DOCK8: variants seen among roughly 807,000 people sequenced by gnomAD.
The protein encoded by DOCK8 is dedicator of cytokinesis protein 8.
Under a neutral mutation model 245.6 loss-of-function variants are expected in DOCK8, and 141 were observed. That is an observed-to-expected ratio of 0.57 (90% CI 0.50 to 0.66). DOCK8 has a LOEUF of 0.66. DOCK8 is among the 30% of genes least tolerant of loss of function. The probability of loss-of-function intolerance (pLI) is 0.00; values close to 1 mark genes in which losing one functional copy is unlikely to be tolerated. For synonymous variants in DOCK8, 1,168 were observed against 970.2 expected (o/e 1.20, Z -3.79); for missense variants, 2,965 against 2,603.4 (o/e 1.14, Z -3.02).
chr9:345,823 T>G (rs745942996), intron 14 of DOCK8, among the ~76,000 whole-genome samples: 8 of 152,184 alleles, frequency 5.3e-5, no homozygotes, highest in Non-Finnish European at 8.8e-5. Flanking sequence ...CCCGTGTCTC[T>G]ACCTTATTCA....
chr9:405,673 C>A (rs973351489), intron 27 of DOCK8, among the ~76,000 whole-genome samples: 1 of 152,146 alleles, frequency 6.6e-6, no homozygotes, highest in South Asian at 2.1e-4. Flanking sequence ...GGGAACACAT[C>A]AGTAGCTCAG....
At chr9:312,648 C>T (rs573601479) in intron 6 of DOCK8, 1 of 357,052 alleles carries the variant, frequency 2.8e-6, no homozygotes, top group East Asian at 7.4e-5. Flanking sequence ...TAATCACAGC[C>T]CATGCTCCCA....
chr9:440,767 C>G (rs530628511), intron 40 of DOCK8, among the ~76,000 whole-genome samples: 2 of 152,296 alleles, frequency 1.3e-5, no homozygotes, highest in African/African-American at 4.8e-5. Flanking sequence ...GAGGCAGCGT[C>G]TTGCCTTGTC....
intron 46 of DOCK8, among the ~76,000 whole-genome samples, chr9:462,145 A>AT (rs2057825030): frequency 6.6e-6 from 1 of 151,278 alleles, no homozygotes; most frequent in Non-Finnish European, 1.5e-5. Context: ...ATGGTTTGTA[A>AT]TTTTTTATTG....
intron 21 of DOCK8, among the ~76,000 whole-genome samples, chr9:382,076 C>G (rs2053742454): frequency 6.6e-6 from 1 of 152,174 alleles, no homozygotes; most frequent in Non-Finnish European, 1.5e-5. Context: ...GTAATCCTCA[C>G]AAGGTTCAGA....
chr9:246,081 C>T (rs2131436826), intron 1 of DOCK8, among the ~76,000 whole-genome samples: 2 of 152,092 alleles, frequency 1.3e-5, no homozygotes, highest in East Asian at 3.9e-4. Flanking sequence ...ATTGGCCAGG[C>T]ATAGTGGCGT....
At chr9:354,908 C>G (rs2052350394) in intron 14 of DOCK8, among the ~76,000 whole-genome samples, 1 of 152,180 alleles carries the variant, frequency 6.6e-6, no homozygotes, top group African/African-American at 2.4e-5. Context: ...CCTATTTTGA[C>G]AAACGTCGTA....
rs546289263 is a variant in DOCK8 at position 312,154 on chromosome 9, A to G, written c.729A>G (p.Pro243=). The change falls in exon 6 of 48, where the codon CCA becomes CCG. Residue 243 remains proline (P), a synonymous_variant. Transcript: ENST00000432829. The stretch of plus-strand genomic sequence containing the variant: ...AGGCCGAGCTCTTTGCCCTTTACCC[A>G]TCAGTGGACGAGGTGGGTGCCACTG... ...NRQAELFALY[P]SVDEEDAVEI... 12 of 1,614,150 alleles carry G rather than the reference A, an allele frequency of 7.4e-6. No homozygotes were observed. Among genetic ancestry groups the G allele is most frequent in the South Asian group, 4.4e-5 (4 of 91,080 alleles).
At chr9:376,135 G>A (rs976661096) in intron 18 of DOCK8, 75 bp from the exon 19 acceptor site, 1 of 989,556 alleles carries the variant, frequency 1.0e-6, no homozygotes, top group Admixed American at 1.7e-5. Flanking sequence ...TTCCAGTCAA[G>A]TTGGTCTGCA....
rs188532675 is a variant in DOCK8 at position 243,873 on chromosome 9, T to A, written c.54-27754T>A. Among the ~76,000 whole-genome samples the A allele has an allele frequency of 3.3e-3, 508 of 152,152 alleles. 2 individuals carry two copies. Among genetic ancestry groups the A allele is most frequent in the Non-Finnish European group, 6.2e-3 (419 of 67,996 alleles). ...AATCCATGGTGCCTACTACTCCTCA[T>A]CTTATTGACATGATTTTAATGTCAG... On this transcript the variant is annotated intron_variant, in intron 1 of 47. Transcript: ENST00000432829.
In DOCK8 at chr9:390,557, T is replaced by G; in HGVS notation, c.2961T>G (p.Phe987Leu). The stretch of plus-strand genomic sequence containing the variant: ...TCTTCAAGTATGCCTGGTTCTTCTT[T>G]GAGCTTCTGGTGAGATTCTTGCGCG... ...ETVFKYAWFF[F>L]ELLVKSMAQH... Residue 987 changes from phenylalanine to leucine, a missense_variant, in exon 24 of 48, where the codon TTT becomes TTG. By Grantham distance (22) the Phe-to-Leu change is conservative (BLOSUM62 0). Around this residue, in one of 3 missense-constraint regions of DOCK8, gnomAD observed 2,825 missense variants for 2,453.5 expected, o/e 1.15. Transcript: ENST00000432829. 3 of 1,614,130 alleles carry G rather than the reference T, an allele frequency of 1.9e-6. No individual in the cohort carries two copies. The highest frequency in any genetic ancestry group is 1.1e-5 in the South Asian group (1 of 91,078).
At chr9:443,295 C>T (rs1339217666) in intron 42 of DOCK8, 132 bp from the exon 43 acceptor site, 21 of 874,258 alleles carry the variant, frequency 2.4e-5, no homozygotes, top group East Asian at 4.9e-5. Context: ...CTCATTAGCT[C>T]AGAGGAACTC....
intron 41 of DOCK8, 123 bp downstream of exon 41, chr9:441,540 A>G (rs1325103157): frequency 6.9e-7 from 1 of 1,447,046 alleles, no homozygotes; most frequent in African/African-American, 1.4e-5. Flanking sequence ...TTTTGCTCTC[A>G]CCTGTCAAAC....
chr9:377,200 C>G lies in DOCK8; in HGVS notation c.2429C>G (p.Ala810Gly), dbSNP rs1372560231. 2 of 1,592,954 alleles carry G rather than the reference C, an allele frequency of 1.3e-6. No individual in the cohort carries two copies. Among genetic ancestry groups the G allele is most frequent in the Non-Finnish European group, 1.7e-6 (2 of 1,175,498 alleles). ...FQLSVQPMVI[A>G]GQTANFSQFA... ...CTGTCCGTGCAGCCCATGGTCATCG[C>G]TGGCCAGACAGGTATGAACCTGCAG... Residue 810 changes from alanine (A) to glycine (G), a missense_variant, in exon 20 of 48, where the codon GCT becomes GGT. Ala to Gly is a moderately conservative substitution (Grantham distance 60). This residue lies in a region of DOCK8 where 2,825 missense variants were observed against 2,453.5 expected (regional missense o/e 1.15). Transcript: ENST00000432829.
At position 451,915 on chromosome 9, in the gene DOCK8, A is replaced by T. The variant is rs534202044; in HGVS notation, c.5962-96A>T. 296 of 310,812 alleles carry T rather than the reference A, an allele frequency of 9.5e-4. 2 individuals carry two copies. In the East Asian group the frequency reaches 0.013, roughly 14 times the overall value. The allele number at this position is 310,812 out of a possible 1,614,324, so 19.3% of individuals were successfully genotyped here. A position where few individuals can be genotyped will look rare whatever the true frequency, so the allele number is the denominator to read the frequency against. On this transcript the variant is annotated intron_variant, in intron 45 of 47. Transcript: ENST00000432829. ...TATGCATATACATATACATATGCAT[A>T]TACATATATATGTATGTGTATATAT...
At chr9:323,408 A>T (rs2050612343) in intron 7 of DOCK8, among the ~76,000 whole-genome samples, 1 of 151,876 alleles carries the variant, frequency 6.6e-6, no homozygotes, top group South Asian at 2.1e-4. Context: ...GGTTTAGTAG[A>T]GACAGGGTTT....
chr9:400,952 A>T (rs71488136), intron 26 of DOCK8, among the ~76,000 whole-genome samples: 1,185 of 66,834 alleles, frequency 0.018, 85 homozygotes, highest in East Asian at 0.12. Flanking sequence ...CACCATCACC[A>T]CCACCACCAC....
At chr9:308,459 C>G (rs1455940151) in intron 5 of DOCK8, among the ~76,000 whole-genome samples, 1 of 152,226 alleles carries the variant, frequency 6.6e-6, no homozygotes. Context: ...TTCAATTCCA[C>G]TCTCATTCTT....
At chr9:434,665 C>T (rs1587032673) in intron 38 of DOCK8, 118 bp from the exon 39 acceptor site, 1 of 1,013,034 alleles carries the variant, frequency 9.9e-7, no homozygotes, top group East Asian at 2.6e-5. Flanking sequence ...GGCAAAATCT[C>T]AGGTGGAGGG....
Sources: allele counts gnomAD v4.1 joint callset (sites outside exome capture counted in the v4.1 genomes callset), GRCh38; gene constraint gnomAD v4.1.1; regional missense constraint gnomAD v4.1.1; transcripts MANE v1.5; gene names NCBI Gene and HGNC (gene_info 2026-07-23, HGNC 2026-07-21).